Variants in FAM83G observed in about 807,000 individuals in gnomAD.
FAM83G encodes the protein scaffolding CK1 anchoring protein G, also known as protein FAM83G.
FAM83G carries 38 observed loss-of-function variants against 61.5 expected under a neutral mutation model. The observed-to-expected ratio is 0.62, with a 90% CI of 0.48 to 0.81. The LOEUF (loss-of-function observed/expected upper bound fraction) is 0.81. FAM83G is among the 30% of genes least tolerant of loss of function. FAM83G has a pLI of 0.00. For synonymous variants in FAM83G, 470 were observed against 476.1 expected, an observed-to-expected ratio of 0.99 and a Z score of 0.17; for missense variants, 989 against 1,133.6, an observed-to-expected ratio of 0.87 and a Z score of 1.83.
chr17:18,990,361 C>T (rs2043384605), intron 2 of FAM83G, among the ~76,000 whole-genome samples: 1 of 152,080 alleles, frequency 6.6e-6, no homozygotes, highest in South Asian at 2.1e-4. Flanking sequence ...GCAGGGTCCT[C>T]CCTGCCTGGG....
intron 4 of FAM83G, 96 bp from the exon 5 acceptor site, chr17:18,978,946 CA>C: frequency 4.3e-6 from 6 of 1,405,050 alleles, no homozygotes; most frequent in South Asian, 1.3e-5. Flanking sequence ...AGACTGTGGC[CA>C]CAGGGCCCTG....
rs1244899491 is a variant in FAM83G at position 18,969,834 on chromosome 17, C to G, written c.*1525G>C. 5.8e-6 allele frequency: 1 copy of G among 172,530 alleles called. No homozygotes were observed. The highest frequency in any genetic ancestry group is 2.4e-5 in the African/African-American group (1 of 42,176). 10.7% of individuals were successfully genotyped at this position (172,530 alleles called of 1,614,324 possible). On this transcript the variant is annotated 3_prime_UTR_variant, in exon 6 of 6. Coordinates refer to ENST00000388995, the MANE Select transcript of FAM83G (RefSeq NM_001039999.3). Reference sequence around the variant, plus strand: ...ATGTACAAAATGCCAAGAGGTGATGCTACCTCCTGCAGGACAAAGGCCAGG... The same window carrying G: ...ATGTACAAAATGCCAAGAGGTGATGGTACCTCCTGCAGGACAAAGGCCAGG...
At chr17:18,999,239 C>T (rs1597887864) in intron 2 of FAM83G, among the ~76,000 whole-genome samples, 1 of 151,870 alleles carries the variant, frequency 6.6e-6, no homozygotes, top group Non-Finnish European at 1.5e-5. Flanking sequence ...GATCGTGCCA[C>T]TGCACTCCAG....
rs1456067722 is a variant in FAM83G at position 18,979,099 on chromosome 17, G to T, written c.816-249C>A. On this transcript the variant is annotated intron_variant, in intron 4 of 5. Transcript: ENST00000388995. ...CTGTGCTCCTCTCAGGCTGGTACAG[G>T]ATTCACTAAGCAGCTCAGGAAGGCC... 59 of 571,226 alleles carry T rather than the reference G, an allele frequency of 1.0e-4. No individual in the cohort carries two copies. The East Asian group carries it at 1.7e-3, about 17-fold the overall frequency. The allele number at this position is 571,226 out of a possible 1,614,324, so 35.4% of individuals were successfully genotyped here.
intron 2 of FAM83G, among the ~76,000 whole-genome samples, chr17:18,991,044 C>G (rs2043409519): frequency 6.6e-6 from 1 of 152,166 alleles, no homozygotes. Context: ...CAGCTGTTAC[C>G]TTGTTCAGGC....
intron 4 of FAM83G, 174 bp downstream of exon 4, chr17:18,979,375 C>T (rs1004702126): frequency 1.3e-6 from 1 of 792,268 alleles, no homozygotes; most frequent in African/African-American, 1.7e-5. Context: ...AGACAAAGCC[C>T]TTCTCTGCCT....
At position 18,988,275 on chromosome 17, in the gene FAM83G, C is replaced by T. The variant is rs773012491; in HGVS notation, c.662G>A (p.Arg221Gln). 5 of 1,613,390 alleles carry T rather than the reference C, an allele frequency of 3.1e-6. No individual in the cohort carries two copies. The South Asian group carries it at 3.3e-5, about 11-fold the overall frequency. Residue 221 changes from arginine to glutamine, a missense_variant, in exon 3 of 6, where the codon CGG (arginine) becomes CAG (glutamine). By Grantham distance (43) the Arg-to-Gln change is conservative. This residue lies in a region of FAM83G where 371 missense variants were observed against 404.5 expected (regional missense o/e 0.92). Transcript: ENST00000388995. ...NVKYFLHMCE[R>Q]ACMHLGHLKN... is the part of the protein sequence containing the mutation. ...GAGGTGCCCCAGGTGCATGCAGGCC[C>T]GCTCACACATGTGCAGGAAGTACTT... is the stretch of plus-strand genomic sequence containing the variant.
intron 3 of FAM83G, among the ~76,000 whole-genome samples, chr17:18,982,594 C>T (rs912374096): frequency 2.0e-5 from 3 of 152,132 alleles, no homozygotes; most frequent in Non-Finnish European, 4.4e-5. Context: ...CAGGGGAGGA[C>T]GGCCGGGTGG....
Position 18,970,765 on chromosome 17 carries a change from T to A in FAM83G, c.*594A>T. 2.0e-6 allele frequency: 1 copy of A among 510,796 alleles called. No individual in the cohort carries two copies. Among genetic ancestry groups the A allele is most frequent in the Non-Finnish European group, 3.5e-6 (1 of 282,732 alleles). The allele number at this position is 510,796 out of a possible 1,614,324, so 31.6% of individuals were successfully genotyped here. On this transcript the variant is annotated 3_prime_UTR_variant, in exon 6 of 6. Coordinates refer to ENST00000388995, the MANE Select transcript of FAM83G (RefSeq NM_001039999.3). Reference sequence around the variant, plus strand: ...CTGCTGGGCCAGCGGGACACTGGGGTGCCCATGTGCAAAATGCTTACTTAA... The same window carrying A: ...CTGCTGGGCCAGCGGGACACTGGGGAGCCCATGTGCAAAATGCTTACTTAA...
chr17:18,986,984 G>A (rs1245054569), intron 3 of FAM83G, among the ~76,000 whole-genome samples: 3 of 152,220 alleles, frequency 2.0e-5, no homozygotes, highest in African/African-American at 7.2e-5. Flanking sequence ...ACCCACCAGG[G>A]AGACCACATT....
chr17:18,997,383 C>A (rs1484295838), intron 2 of FAM83G, among the ~76,000 whole-genome samples: 1 of 152,256 alleles, frequency 6.6e-6, no homozygotes, highest in Non-Finnish European at 1.5e-5. Context: ...AGATCCTTTC[C>A]CGCTGGCCGC....
upstream of FAM83G, among the ~76,000 whole-genome samples, chr17:19,005,759 C>T (rs1317786437): frequency 6.6e-6 from 1 of 152,108 alleles, no homozygotes; most frequent in Non-Finnish European, 1.5e-5. Context: ...CCTTGTGGTC[C>T]CCATCACTGA....
rs1384307583 is a variant in FAM83G, at chr17:18,969,414, C to T, written c.*1945G>A. On this transcript the variant is annotated 3_prime_UTR_variant, in exon 6 of 6. Coordinates refer to ENST00000388995, the MANE Select transcript of FAM83G (RefSeq NM_001039999.3). ...ATGGTGGTGGGGGCTGTCATCCTGACAATCAAAGGTGAGGACAGAGTCTGT... is the reference window on the plus strand; with the variant it reads ...ATGGTGGTGGGGGCTGTCATCCTGATAATCAAAGGTGAGGACAGAGTCTGT... The T allele has an allele frequency of 3.7e-6, 6 of 1,613,580 alleles. No individual in the cohort carries two copies. The African/African-American group carries it at 6.7e-5, about 18-fold the overall frequency.
chr17:18,988,515 C>G, intron 2 of FAM83G, 101 bp from the exon 3 acceptor site: 1 of 1,548,236 alleles, frequency 6.5e-7, no homozygotes, highest in East Asian at 2.3e-5. Context: ...CAGCCTCTCA[C>G]AGGTGCCCAC....
Position 18,971,900 on chromosome 17 carries a change from A to T in FAM83G, c.2083-152T>A. 1 of 749,488 alleles carries T rather than the reference A, an allele frequency of 1.3e-6. No individual in the cohort carries two copies. 46.4% of individuals were successfully genotyped at this position (749,488 alleles called of 1,614,324 possible). A position where few individuals can be genotyped will look rare whatever the true frequency, so the allele number is the denominator to read the frequency against. On this transcript the variant is annotated intron_variant, in intron 5 of 5. Transcript: ENST00000388995. The surrounding 1 kb of genome is among the most constrained non-coding windows in gnomAD (Gnocchi z 5.5). ...GGAGTGGGCCTAGACCAGTTGGTTTAGTCACTCGATGCCTCAGTTCCCCTG... is the reference window on the plus strand; with the variant it reads ...GGAGTGGGCCTAGACCAGTTGGTTTTGTCACTCGATGCCTCAGTTCCCCTG...
Position 19,004,593 on chromosome 17 carries a change from C to A in FAM83G, c.-129+116G>T, listed in dbSNP as rs931133950. 1.3e-5 allele frequency: 2 copies of A among 152,034 alleles called. No individual in the cohort carries two copies. The highest frequency in any genetic ancestry group is 4.8e-5 in the African/African-American group (2 of 41,420). 9.4% of individuals were successfully genotyped at this position (152,034 alleles called of 1,614,324 possible). A position where few individuals can be genotyped will look rare whatever the true frequency, so the allele number is the denominator to read the frequency against. On this transcript the variant is annotated intron_variant, in intron 1 of 5. Coordinates refer to ENST00000388995, the MANE Select transcript of FAM83G (RefSeq NM_001039999.3). This position sits in a 1 kb window ranked among gnomAD's most constrained non-coding sequence, Gnocchi z 5.4. The stretch of plus-strand genomic sequence containing the variant: ...TCCGGGTGCCGGCAACCCAGGAGGC[C>A]TGCCCGGAGGAGGCTGGGGCTCTGG...
chr17:18,969,620 G>A lies in FAM83G; in HGVS notation c.*1739C>T. Reference sequence around the variant, plus strand: ...CTCAGGGACTGCCCTGGCTGGTAGAGGCTACCCACCCTGCTGCCCCGCTGT... The same window carrying A: ...CTCAGGGACTGCCCTGGCTGGTAGAAGCTACCCACCCTGCTGCCCCGCTGT... On this transcript the variant is annotated 3_prime_UTR_variant, in exon 6 of 6. Transcript: ENST00000388995. 1.9e-6 allele frequency: 1 copy of A among 539,070 alleles called. No individual in the cohort carries two copies. The highest frequency in any genetic ancestry group is 3.3e-6 in the Non-Finnish European group (1 of 307,320). The allele number at this position is 539,070 out of a possible 1,614,324, so 33.4% of individuals were successfully genotyped here.
chr17:19,000,381 C>T lies in FAM83G; in HGVS notation c.522+3139G>A, dbSNP rs2083565543. Among the ~76,000 whole-genome samples the T allele has an allele frequency of 6.6e-6, 1 of 152,134 alleles. No individual in the cohort carries two copies. The highest frequency in any genetic ancestry group is 1.5e-5 in the Non-Finnish European group (1 of 68,032). On this transcript the variant is annotated intron_variant, in intron 2 of 5. Coordinates refer to ENST00000388995, the MANE Select transcript of FAM83G (RefSeq NM_001039999.3). The surrounding 1 kb of genome is among the most constrained non-coding windows in gnomAD (Gnocchi z 5.2). ...GTTCCCATTTTACAGATGGGATGACCGGGGCTTGGAGAGGAGCTGGGGCTT... is the reference window on the plus strand; with the variant it reads ...GTTCCCATTTTACAGATGGGATGACTGGGGCTTGGAGAGGAGCTGGGGCTT...
In FAM83G at chr17:18,978,541, C is replaced by A. The variant is rs761010779; in HGVS notation, c.1125G>T (p.Gly375=). The A allele has an allele frequency of 6.2e-7, 1 of 1,613,314 alleles. No homozygotes were observed. The highest frequency in any genetic ancestry group is 8.5e-7 in the Non-Finnish European group (1 of 1,179,986). Reference sequence around the variant, plus strand: ...GCTCAGCCAGCGCTGGGCCTTTCAGCCCCAGGGGCTTCTTGGCCTCCTGCT... The same window carrying A: ...GCTCAGCCAGCGCTGGGCCTTTCAGACCCAGGGGCTTCTTGGCCTCCTGCT... ...SEKQEAKKPL[G]LKGPALAEHP... The change falls in exon 5 of 6, where the codon GGG becomes GGT. Residue 375 remains glycine, a synonymous_variant. Coordinates refer to ENST00000388995, the MANE Select transcript of FAM83G (RefSeq NM_001039999.3).
Sources: gnomAD v4.1 joint callset for allele counts (sites outside exome capture counted in the v4.1 genomes callset) on GRCh38, gnomAD v4.1.1 for gene constraint, gnomAD v4.1.1 regional missense constraint, Gnocchi (gnomAD v3.1) non-coding constraint, MANE v1.5 for transcripts, NCBI Gene and HGNC (gene_info 2026-07-23, HGNC 2026-07-21) for gene names.